EPSTI1: variants seen among roughly 807,000 people sequenced by gnomAD.
The protein encoded by EPSTI1 is epithelial stromal interaction 1.
A neutral mutation model predicts 49.9 loss-of-function variants in EPSTI1; 66 were observed. That is an observed-to-expected ratio of 1.32 (90% CI 1.08 to 1.62). The LOEUF (loss-of-function observed/expected upper bound fraction) is 1.62. Ranked by LOEUF, EPSTI1 falls within the 40% of genes most tolerant of loss-of-function variation. The pLI, the probability that EPSTI1 is intolerant of heterozygous loss-of-function variation, is 0.00. For missense variants in EPSTI1, 394 were observed against 365.5 expected (o/e 1.08, Z -0.64); for synonymous variants, 137 against 130.7 (o/e 1.05, Z -0.33).
At chr13:42,964,587 C>A (rs982175744) in intron 3 of EPSTI1, among the ~76,000 whole-genome samples, 2 of 152,146 alleles carry the variant, frequency 1.3e-5, no homozygotes, top group African/African-American at 2.4e-5. Flanking sequence ...TATATTCAAG[C>A]AGCAAGGCTC....
intron 9 of EPSTI1, 115 bp from the exon 10 acceptor site, chr13:42,895,223 T>C: frequency 2.7e-6 from 2 of 733,292 alleles, no homozygotes; most frequent in South Asian, 4.0e-5. Context: ...TGGCTTCAGC[T>C]TAGAAGAAAT....
At chr13:42,947,273 A>G (rs1022552359) in intron 6 of EPSTI1, among the ~76,000 whole-genome samples, 1 of 146,160 alleles carries the variant, frequency 6.8e-6, no homozygotes, top group Non-Finnish European at 1.5e-5. Context: ...CAGGCACTTC[A>G]GAACATCTAG....
intron 3 of EPSTI1, 57 bp downstream of exon 3, chr13:42,969,037 C>G: frequency 4.5e-6 from 7 of 1,549,806 alleles, no homozygotes; most frequent in Non-Finnish European, 6.2e-6. Context: ...AAGCTGCTTA[C>G]AGGATCCATA....
intron 6 of EPSTI1, among the ~76,000 whole-genome samples, chr13:42,941,578 C>A (rs1216706334): frequency 1.3e-5 from 2 of 150,354 alleles, no homozygotes. Flanking sequence ...CATGGTCATG[C>A]CACTGTACTC....
At chr13:42,909,414 G>A (rs149192922) in intron 8 of EPSTI1, among the ~76,000 whole-genome samples, 39 of 152,256 alleles carry the variant, frequency 2.6e-4, no homozygotes, top group Admixed American at 3.9e-4. Context: ...AGTACCATAT[G>A]ATCCAGCAAT....
intron 9 of EPSTI1, among the ~76,000 whole-genome samples, chr13:42,899,517 C>A (rs114431032): frequency 1.3e-5 from 2 of 152,122 alleles, no homozygotes; most frequent in Non-Finnish European, 2.9e-5. Context: ...TAAAGTCTCT[C>A]ATTTAGAAAA....
At chr13:42,921,866 GA>G (rs34619320) in intron 7 of EPSTI1, among the ~76,000 whole-genome samples, 47,910 of 147,032 alleles carry the variant, frequency 0.33, 8,881 homozygotes, top group Non-Finnish European at 0.43. Context: ...AGGAGGGAGA[GA>G]AAAAAAAAAA....
At chr13:42,957,163 T>C (rs373077490) in intron 5 of EPSTI1, among the ~76,000 whole-genome samples, 2 of 152,134 alleles carry the variant, frequency 1.3e-5, no homozygotes, top group Non-Finnish European at 2.9e-5. Flanking sequence ...GATAGGGATA[T>C]GGGATGAGTA....
rs200579184 is a variant in EPSTI1, at chr13:42,982,694, CAT to C, written c.188+9282_188+9283del. On this transcript the variant is annotated intron_variant, in intron 1 of 10. Coordinates refer to ENST00000313624, the MANE Select transcript of EPSTI1 (RefSeq NM_033255.5). ...TTTAAAGCTATGATGGGGTTCACGA[CAT>C]GTTATCCCAAAATATAGCACCTTGG... 8.5e-5 allele frequency among the ~76,000 whole-genome samples: 13 copies of C among 152,216 alleles called. 1 individual carries two copies. In the East Asian group the frequency reaches 2.3e-3, roughly 27 times the overall value.
intron 6 of EPSTI1, among the ~76,000 whole-genome samples, chr13:42,942,598 C>T (rs1158428399): frequency 6.7e-6 from 1 of 148,244 alleles, no homozygotes; most frequent in African/African-American, 2.5e-5. Flanking sequence ...ATCCCTGTCT[C>T]TTCCTTGTGC....
intron 6 of EPSTI1, among the ~76,000 whole-genome samples, chr13:42,948,462 G>GTTTTTTTTTT (rs35811528): frequency 7.2e-6 from 1 of 139,620 alleles, no homozygotes; most frequent in African/African-American, 2.7e-5. Flanking sequence ...TGTTTTTTGT[G>GTTTTTTTTTT]TTTTTTTTTT....
rs140716077 is a variant in EPSTI1, at chr13:42,897,593, C to T, written c.816-2485G>A. Among the ~76,000 whole-genome samples, 53 of 152,290 alleles carry T rather than the reference C, an allele frequency of 3.5e-4. No individual in the cohort carries two copies. The East Asian group carries it at 9.1e-3, about 26-fold the overall frequency. On this transcript the variant is annotated intron_variant, in intron 9 of 10. Transcript: ENST00000313624. The stretch of plus-strand genomic sequence containing the variant: ...TGCAGACTGCAAAACAGCTCACTGG[C>T]AATTGCTCTCAATTCACTCAAACCC...
At chr13:42,977,687 G>A (rs2039905533) in intron 1 of EPSTI1, among the ~76,000 whole-genome samples, 1 of 152,200 alleles carries the variant, frequency 6.6e-6, no homozygotes, top group Non-Finnish European at 1.5e-5. Flanking sequence ...GTAATCCGTT[G>A]CTGTACTGCC....
chr13:42,889,022 T>TG (rs993722572), intron 10 of EPSTI1, among the ~76,000 whole-genome samples: 43 of 152,210 alleles, frequency 2.8e-4, no homozygotes, highest in African/African-American at 9.6e-4. Flanking sequence ...ACGCTACGTA[T>TG]GGAATACACA....
Position 42,922,287 on chromosome 13 carries a change from CTTT to C in EPSTI1, c.657+4046_657+4048del, listed in dbSNP as rs755742154. Among the ~76,000 whole-genome samples the C allele has an allele frequency of 2.0e-5, 3 of 152,010 alleles. No homozygotes were observed. The highest frequency in any genetic ancestry group is 7.2e-5 in the African/African-American group (3 of 41,432). On this transcript the variant is annotated intron_variant, in intron 7 of 10. Transcript: ENST00000313624. This position sits in a 1 kb window ranked among gnomAD's most constrained non-coding sequence, Gnocchi z 4.8. Reference sequence around the variant, plus strand: ...CAATCCCTGGAATCTGTGAATGTTTCTTTATGTGACAAAAGGGACTTTGCAGAA... The same window carrying C: ...CAATCCCTGGAATCTGTGAATGTTTCATGTGACAAAAGGGACTTTGCAGAA...
At chr13:42,931,724 C>T (rs1275134467) in intron 6 of EPSTI1, among the ~76,000 whole-genome samples, 1 of 152,100 alleles carries the variant, frequency 6.6e-6, no homozygotes, top group Non-Finnish European at 1.5e-5. Flanking sequence ...TGTCATCTAA[C>T]CACATCTTTG....
chr13:42,955,890 AAGTAGTAGT>A (rs2039254684), intron 5 of EPSTI1, among the ~76,000 whole-genome samples: 1 of 102,426 alleles, frequency 9.8e-6, no homozygotes, highest in Non-Finnish European at 2.0e-5. Context: ...GGGGGGGGGG[AAGTAGTAGT>A]AGTAGTATTT....
At chr13:42,923,964 A>C (rs528183623) in intron 7 of EPSTI1, among the ~76,000 whole-genome samples, 1 of 152,378 alleles carries the variant, frequency 6.6e-6, no homozygotes, top group South Asian at 2.1e-4. Context: ...AAATTCTTCC[A>C]GCTCATCACA....
intron 6 of EPSTI1, among the ~76,000 whole-genome samples, chr13:42,945,488 C>T (rs765378814): frequency 2.6e-5 from 4 of 152,198 alleles, no homozygotes; most frequent in Non-Finnish European, 4.4e-5. Flanking sequence ...GCCCATGGTT[C>T]CCCACGGTGT....
Sources: gnomAD v4.1 joint callset for allele counts (sites outside exome capture counted in the v4.1 genomes callset) on GRCh38, gnomAD v4.1.1 for gene constraint, Gnocchi (gnomAD v3.1) non-coding constraint, MANE v1.5 for transcripts, NCBI Gene and HGNC (gene_info 2026-07-23, HGNC 2026-07-21) for gene names.